BCAT1: variants seen among roughly 807,000 people sequenced by gnomAD.
BCAT1 encodes branched chain amino acid transaminase 1.
In BCAT1, 48 loss-of-function variants were observed where a neutral mutation model predicts 52.4. That is an observed-to-expected ratio of 0.92 (90% CI 0.73 to 1.16). The LOEUF (loss-of-function observed/expected upper bound fraction) is 1.16, where lower values mean the gene tolerates loss of function less well. Among genes scored for constraint, BCAT1 ranks in the 50% most tolerant of loss-of-function variants. The pLI, the probability that BCAT1 is intolerant of heterozygous loss-of-function variation, is 0.00. For synonymous variants in BCAT1, 167 were observed against 161.3 expected, an observed-to-expected ratio of 1.04 and a Z score of -0.27; for missense variants, 451 against 457.1, an observed-to-expected ratio of 0.99 and a Z score of 0.12.
At chr12:24,856,649 A>C (rs1363860646) in intron 5 of BCAT1, among the ~76,000 whole-genome samples, 1 of 152,158 alleles carries the variant, frequency 6.6e-6, no homozygotes, top group Non-Finnish European at 1.5e-5. Flanking sequence ...TCAGCTTTAC[A>C]GGCACCCTCA....
At chr12:24,910,116 G>A (rs1943293660) in intron 1 of BCAT1, among the ~76,000 whole-genome samples, 1 of 152,168 alleles carries the variant, frequency 6.6e-6, no homozygotes, top group Admixed American at 6.5e-5. Context: ...GCTCACACCT[G>A]TAATCCCAGC....
In BCAT1 at chr12:24,811,457, A is replaced by T. The variant is rs960395240; in HGVS notation, c.*6551T>A. On this transcript the variant is annotated 3_prime_UTR_variant, in exon 11 of 11. Transcript: ENST00000261192. ...AATAAAGAATGTGTCTATTGCCAGC[A>T]AAATACAATTATTCCATGCCCTCTC... 4 of 152,204 alleles carry T rather than the reference A, an allele frequency of 2.6e-5. 1 individual carries two copies. Among genetic ancestry groups the T allele is most frequent in the African/African-American group, 9.6e-5 (4 of 41,458 alleles). 9.4% of individuals were successfully genotyped at this position (152,204 alleles called of 1,614,324 possible). A position where few individuals can be genotyped will look rare whatever the true frequency, so the allele number is the denominator to read the frequency against.
chr12:24,900,208 G>A (rs1943062121), intron 2 of BCAT1, among the ~76,000 whole-genome samples: 1 of 152,186 alleles, frequency 6.6e-6, no homozygotes, highest in South Asian at 2.1e-4. Flanking sequence ...CATAACTCAT[G>A]TTTTGATGTG....
Position 24,816,316 on chromosome 12 carries a change from T to C in BCAT1, c.*1692A>G, listed in dbSNP as rs1025590948. ...TTCTCTGAAAAGAGAATAAAATATG[T>C]TCAGCAAGAAGGAAGTTATGAGGAC... On this transcript the variant is annotated 3_prime_UTR_variant, in exon 11 of 11. Transcript: ENST00000261192. The C allele has an allele frequency of 4.1e-5, 16 of 392,706 alleles. No individual in the cohort carries two copies. In the Admixed American group the frequency reaches 6.2e-4, roughly 15 times the overall value. The allele number at this position is 392,706 out of a possible 1,614,324, so 24.3% of individuals were successfully genotyped here.
At chr12:24,883,079 G>C (rs959592068) in intron 3 of BCAT1, among the ~76,000 whole-genome samples, 2 of 151,684 alleles carry the variant, frequency 1.3e-5, no homozygotes, top group African/African-American at 4.8e-5. Context: ...TTGAGGTCAG[G>C]AGTTCGAGAC....
chr12:24,901,270 C>A (rs1027929732), intron 2 of BCAT1, among the ~76,000 whole-genome samples: 2 of 152,198 alleles, frequency 1.3e-5, no homozygotes, highest in African/African-American at 4.8e-5. Flanking sequence ...AAGCTAAAAC[C>A]TCCACGAGGA....
intron 1 of BCAT1, among the ~76,000 whole-genome samples, chr12:24,930,157 C>A (rs1344444295): frequency 6.6e-6 from 1 of 152,220 alleles, no homozygotes; most frequent in Admixed American, 6.5e-5. Context: ...TTCTTCACAA[C>A]CTCCCCTCCC....
chr12:24,912,590 C>A (rs544752067), intron 1 of BCAT1, among the ~76,000 whole-genome samples: 2 of 150,840 alleles, frequency 1.3e-5, no homozygotes, highest in African/African-American at 2.4e-5. Context: ...TGGGGCCGGG[C>A]GTGATGGCTT....
chr12:24,845,859 C>A (rs1415304409), intron 6 of BCAT1, among the ~76,000 whole-genome samples: 1 of 152,136 alleles, frequency 6.6e-6, no homozygotes, highest in Non-Finnish European at 1.5e-5. Context: ...AAGTCCCAGA[C>A]CAGCCTGGGC....
chr12:24,904,716 C>T (rs1834905713), intron 1 of BCAT1: 1 of 152,228 alleles, frequency 6.6e-6, no homozygotes, highest in South Asian at 2.1e-4. Flanking sequence ...ACTCAAAAAT[C>T]TGTCTAAAAT....
In BCAT1 at chr12:24,817,950, T is replaced by C. The variant is rs779116581; in HGVS notation, c.*58A>G. 14 of 1,547,008 alleles carry C rather than the reference T, an allele frequency of 9.0e-6. No individual in the cohort carries two copies. Among genetic ancestry groups the C allele is most frequent in the Non-Finnish European group, 1.2e-5 (14 of 1,120,948 alleles). Reference sequence around the variant, plus strand: ...CTATCACAATTCAAATGCAACAGTCTGTCCCAGTAGCATACAGTTGGTATC... The same window carrying C: ...CTATCACAATTCAAATGCAACAGTCCGTCCCAGTAGCATACAGTTGGTATC... On this transcript the variant is annotated 3_prime_UTR_variant, in exon 11 of 11. Transcript: ENST00000261192.
At chr12:24,909,924 T>A (rs1943289197) in intron 1 of BCAT1, among the ~76,000 whole-genome samples, 1 of 152,144 alleles carries the variant, frequency 6.6e-6, no homozygotes, top group Non-Finnish European at 1.5e-5. Context: ...AGCATCACTG[T>A]CAGCCCTGTG....
At chr12:24,880,516 C>T (rs1395181131) in intron 4 of BCAT1, among the ~76,000 whole-genome samples, 1 of 152,110 alleles carries the variant, frequency 6.6e-6, no homozygotes, top group Admixed American at 6.5e-5. Flanking sequence ...ATTGTGACAG[C>T]CACGATTCAA....
chr12:24,850,048 C>A (rs927793440), intron 5 of BCAT1, 99 bp from the exon 6 acceptor site: 84 of 1,139,748 alleles, frequency 7.4e-5, no homozygotes, highest in Non-Finnish European at 9.5e-5. Flanking sequence ...AAGAAGCCAT[C>A]GAATTACAGG....
intron 1 of BCAT1, among the ~76,000 whole-genome samples, chr12:24,939,264 G>A (rs569660914): frequency 3.9e-5 from 6 of 152,278 alleles, no homozygotes; most frequent in African/African-American, 1.4e-4. Flanking sequence ...CTGTTACTGG[G>A]TACAAAGTCT....
intron 10 of BCAT1, among the ~76,000 whole-genome samples, chr12:24,826,987 A>G (rs1169552512): frequency 6.6e-6 from 1 of 152,032 alleles, no homozygotes. Context: ...TGTTGATTTT[A>G]TATCCTGCAA....
intron 1 of BCAT1, among the ~76,000 whole-genome samples, chr12:24,943,901 G>A (rs1404391876): frequency 3.3e-5 from 5 of 152,046 alleles, no homozygotes; most frequent in Non-Finnish European, 5.9e-5. Context: ...GGAGAATGGC[G>A]TGAACCCAGG....
At chr12:24,841,933 T>A in intron 7 of BCAT1, 149 bp downstream of exon 7, 1 of 820,322 alleles carries the variant, frequency 1.2e-6, no homozygotes, top group Non-Finnish European at 1.8e-6. Flanking sequence ...AAGAAACTTG[T>A]GTCTATTTGG....
At chr12:24,855,607 C>A (rs1941653753) in intron 5 of BCAT1, among the ~76,000 whole-genome samples, 1 of 152,064 alleles carries the variant, frequency 6.6e-6, no homozygotes, top group Non-Finnish European at 1.5e-5. Context: ...TCTCAAATCC[C>A]TGACCTCAAG....
Sources: allele counts gnomAD v4.1 joint callset (sites outside exome capture counted in the v4.1 genomes callset), GRCh38; gene constraint gnomAD v4.1.1; transcripts MANE v1.5; gene names NCBI Gene and HGNC (gene_info 2026-07-23, HGNC 2026-07-21).